C19orf25: variants seen among roughly 807,000 people sequenced by gnomAD.
The protein encoded by C19orf25 is chromosome 19 open reading frame 25.
Under a neutral mutation model 3.1 loss-of-function variants are expected in C19orf25, and 1 was observed. The ratio of observed to expected loss-of-function variants is 0.32; its 90% confidence interval spans 0.12 to 1.54. The LOEUF is 1.54. Ranked by LOEUF, C19orf25 falls within the 40% of genes most tolerant of loss-of-function variation. The pLI is 0.38. For synonymous variants in C19orf25, 91 were observed against 74.3 expected (o/e 1.23, Z -1.16); for missense variants, 196 against 160.4 (o/e 1.22, Z -1.20).
rs376077887 is a variant in C19orf25 at position 1,475,446 on chromosome 19, C to T, written c.131-188G>A. On this transcript the variant is annotated intron_variant, in intron 2 of 2. Transcript: ENST00000585675. Reference sequence around the variant, plus strand: ...CCTGTAATCCAGCACTTTGGGAGGCCGAGGCGGGAGGAACACTTGAGCCCA... The same window carrying T: ...CCTGTAATCCAGCACTTTGGGAGGCTGAGGCGGGAGGAACACTTGAGCCCA... 3.9e-3 allele frequency: 2,379 copies of T among 605,834 alleles called. 8 individuals carry two copies. Among genetic ancestry groups the T allele is most frequent in the Non-Finnish European group, 5.1e-3 (1,778 of 348,558 alleles). The allele number at this position is 605,834 out of a possible 1,614,324, so 37.5% of individuals were successfully genotyped here. A position where few individuals can be genotyped will look rare whatever the true frequency, so the allele number is the denominator to read the frequency against.
intron 2 of C19orf25, chr19:1,475,461 A>G: frequency 1.7e-6 from 1 of 581,294 alleles, no homozygotes; most frequent in Non-Finnish European, 3.1e-6. Flanking sequence ...CGGGAGGAAC[A>G]CTTGAGCCCA....
chr19:1,479,000 G>A (rs1236200458), intron 1 of C19orf25, 95 bp from the exon 2 acceptor site: 3 of 1,425,562 alleles, frequency 2.1e-6, no homozygotes, highest in African/African-American at 1.5e-5. Flanking sequence ...CGCACCCGTC[G>A]CGGTCCCGCT....
rs555978292 is a variant in C19orf25 at position 1,477,295 on chromosome 19, C to A, written c.130+1479G>T. Among the ~76,000 whole-genome samples the A allele has an allele frequency of 2.0e-5, 3 of 152,352 alleles. No individual in the cohort carries two copies. The East Asian group carries it at 5.8e-4, about 29-fold the overall frequency. ...GGGATTACAGGTGTGAGCCACCGCA[C>A]CTGGCCGATTCATCTTCATTTGTTT... is the stretch of plus-strand genomic sequence containing the variant. On this transcript the variant is annotated intron_variant, in intron 2 of 2. Transcript: ENST00000585675.
At position 1,474,261 on chromosome 19, in the gene C19orf25, T is replaced by G. The variant is rs1358302396; in HGVS notation, c.*771A>C. Reference sequence around the variant, plus strand: ...AAGTTGCTATTTAGGATGAAAAGCCTTTGGCAAGACCCTCCGCCGCACTAA... The same window carrying G: ...AAGTTGCTATTTAGGATGAAAAGCCGTTGGCAAGACCCTCCGCCGCACTAA... On this transcript the variant is annotated 3_prime_UTR_variant, in exon 3 of 3. Transcript: ENST00000585675. 1 of 152,204 alleles carries G rather than the reference T, an allele frequency of 6.6e-6. No homozygotes were observed. The highest frequency in any genetic ancestry group is 1.5e-5 in the Non-Finnish European group (1 of 68,096). 9.4% of individuals were successfully genotyped at this position (152,204 alleles called of 1,614,324 possible).
At chr19:1,475,349 G>T in intron 2 of C19orf25, 91 bp from the exon 3 acceptor site, 3 of 1,323,720 alleles carry the variant, frequency 2.3e-6, no homozygotes, top group Non-Finnish European at 3.1e-6. Context: ...AGGGTTCCCT[G>T]CAGTCCCCGA....
rs147084328 is a variant in C19orf25, at chr19:1,476,200, C to T, written c.131-942G>A. ...ACTCAGAGAAGCGTCAGGGGCCCCT[C>T]GGCTCTGGCCTGCCCCTCGGCAGTG... On this transcript the variant is annotated intron_variant, in intron 2 of 2. Coordinates refer to ENST00000585675, the MANE Select transcript of C19orf25 (RefSeq NM_152482.3). The T allele has an allele frequency of 5.8e-3, 2,332 of 398,838 alleles. 9 individuals carry two copies. The highest frequency in any genetic ancestry group is 8.2e-3 in the Non-Finnish European group (1,854 of 226,222). The allele number at this position is 398,838 out of a possible 1,614,324, so 24.7% of individuals were successfully genotyped here. A position where few individuals can be genotyped will look rare whatever the true frequency, so the allele number is the denominator to read the frequency against.
intron 2 of C19orf25, chr19:1,476,140 T>C (rs1365043440): frequency 5.0e-6 from 2 of 398,528 alleles, no homozygotes; most frequent in South Asian, 1.3e-4. Flanking sequence ...GCAAGCCCAG[T>C]GCAGCAGGGC....
chr19:1,475,216 G>A lies in C19orf25; in HGVS notation c.173C>T (p.Pro58Leu), dbSNP rs1447399021. ...PFRMMEDAEA[P>L]GEQLYQQSRA... Reference sequence around the variant, plus strand: ...GCTTTGCTGGTAGAGCTGCTCTCCCGGGGCCTCCGCATCCTCCATCATCCT... The same window carrying A: ...GCTTTGCTGGTAGAGCTGCTCTCCCAGGGCCTCCGCATCCTCCATCATCCT... Residue 58 changes from proline (P) to leucine (L), a missense_variant, in exon 3 of 3, where the codon CCG becomes CTG. Transcript: ENST00000585675. 9.0e-6 allele frequency: 14 copies of A among 1,562,290 alleles called. No homozygotes were observed. Among genetic ancestry groups the A allele is most frequent in the African/African-American group, 1.4e-5 (1 of 73,536 alleles).
chr19:1,479,182 G>C lies in C19orf25; in HGVS notation c.-22C>G, dbSNP rs1364443200. On this transcript the variant is annotated 5_prime_UTR_variant, in exon 1 of 3. Transcript: ENST00000585675. ...TCCCACCTGGGCGCGGGACCCGAAA[G>C]CCCAGCGTCGACGACGCAGCCACTT... 7 of 1,276,724 alleles carry C rather than the reference G, an allele frequency of 5.5e-6. No individual in the cohort carries two copies. The highest frequency in any genetic ancestry group is 6.9e-6 in the Non-Finnish European group (7 of 1,012,686). The allele number at this position is 1,276,724 out of a possible 1,614,324, so 79.1% of individuals were successfully genotyped here. A position where few individuals can be genotyped will look rare whatever the true frequency, so the allele number is the denominator to read the frequency against.
At chr19:1,475,435 C>G in intron 2 of C19orf25, 177 bp from the exon 3 acceptor site, 2 of 638,528 alleles carry the variant, frequency 3.1e-6, no homozygotes, top group Non-Finnish European at 5.3e-6. Flanking sequence ...TAATCCAGCA[C>G]TTTGGGAGGC....
intron 2 of C19orf25, chr19:1,478,454 A>T: frequency 1.7e-6 from 1 of 585,372 alleles, no homozygotes; most frequent in Non-Finnish European, 2.6e-6. Flanking sequence ...TTTCATTTTT[A>T]GCAGAGACGG....
At position 1,479,179 on chromosome 19, in the gene C19orf25, A is replaced by G. The variant is rs1453232187; in HGVS notation, c.-19T>C. 8 of 1,278,402 alleles carry G rather than the reference A, an allele frequency of 6.3e-6. No homozygotes were observed. The highest frequency in any genetic ancestry group is 2.9e-4 in the Middle Eastern group (1 of 3,410). The allele number at this position is 1,278,402 out of a possible 1,614,324, so 79.2% of individuals were successfully genotyped here. ...TCTTCCCACCTGGGCGCGGGACCCGAAAGCCCAGCGTCGACGACGCAGCCA... is the reference window on the plus strand; with the variant it reads ...TCTTCCCACCTGGGCGCGGGACCCGGAAGCCCAGCGTCGACGACGCAGCCA... On this transcript the variant is annotated 5_prime_UTR_variant, in exon 1 of 3. Coordinates refer to ENST00000585675, the MANE Select transcript of C19orf25 (RefSeq NM_152482.3).
At chr19:1,477,709 C>A (rs2084219635) in intron 2 of C19orf25, among the ~76,000 whole-genome samples, 2 of 152,134 alleles carry the variant, frequency 1.3e-5, no homozygotes, top group African/African-American at 2.4e-5. Flanking sequence ...CAGAAATGTT[C>A]TTTTTCACCC....
chr19:1,475,325 T>G, intron 2 of C19orf25, 67 bp from the exon 3 acceptor site: 1 of 1,451,278 alleles, frequency 6.9e-7, no homozygotes, highest in Non-Finnish European at 9.3e-7. Flanking sequence ...CCCTCACTAC[T>G]GCCCCCAAAG....
chr19:1,474,740 G>A lies in C19orf25; in HGVS notation c.*292C>T. On this transcript the variant is annotated 3_prime_UTR_variant, in exon 3 of 3. Coordinates refer to ENST00000585675, the MANE Select transcript of C19orf25 (RefSeq NM_152482.3). ...CCCAGGGGCCCCACTGCAGAGCACGGCCACTGTGAGCTGACGACAGAATCA... is the reference window on the plus strand; with the variant it reads ...CCCAGGGGCCCCACTGCAGAGCACGACCACTGTGAGCTGACGACAGAATCA... 1 of 1,396,504 alleles carries A rather than the reference G, an allele frequency of 7.2e-7. No homozygotes were observed. The highest frequency in any genetic ancestry group is 9.4e-7 in the Non-Finnish European group (1 of 1,066,366). The allele number at this position is 1,396,504 out of a possible 1,614,324, so 86.5% of individuals were successfully genotyped here. A position where few individuals can be genotyped will look rare whatever the true frequency, so the allele number is the denominator to read the frequency against.
rs1452098896 is a variant in C19orf25 at position 1,474,709 on chromosome 19, C to T, written c.*323G>A. ...GCCCCGGGAGAGGAAGGAGGTGGCACCTGCTCCCAGGGGCCCCACTGCAGA... is the reference window on the plus strand; with the variant it reads ...GCCCCGGGAGAGGAAGGAGGTGGCATCTGCTCCCAGGGGCCCCACTGCAGA... On this transcript the variant is annotated 3_prime_UTR_variant, in exon 3 of 3. Transcript: ENST00000585675. 7 of 1,187,284 alleles carry T rather than the reference C, an allele frequency of 5.9e-6. No individual in the cohort carries two copies. In the African/African-American group the frequency reaches 1.1e-4, roughly 18 times the overall value. The allele number at this position is 1,187,284 out of a possible 1,614,324, so 73.5% of individuals were successfully genotyped here.
chr19:1,476,071 G>A (rs1568193196), intron 2 of C19orf25: 5 of 397,446 alleles, frequency 1.3e-5, no homozygotes, highest in South Asian at 1.3e-4. Flanking sequence ...GGGCATTGAC[G>A]TCCTGGTGAC....
At chr19:1,478,064 C>G (rs2084223910) in intron 2 of C19orf25, among the ~76,000 whole-genome samples, 4 of 151,560 alleles carry the variant, frequency 2.6e-5, no homozygotes, top group African/African-American at 9.7e-5. Flanking sequence ...GGTGTCCAAC[C>G]TCTGACCTCA....
intron 2 of C19orf25, 93 bp downstream of exon 2, chr19:1,478,681 G>A (rs555241994): frequency 1.3e-6 from 2 of 1,516,750 alleles, no homozygotes; most frequent in Admixed American, 2.1e-5. Context: ...GGTTCCCAGG[G>A]CGTGGGGTCA....
Sources: allele counts gnomAD v4.1 joint callset (sites outside exome capture counted in the v4.1 genomes callset), GRCh38; gene constraint gnomAD v4.1.1; transcripts MANE v1.5; gene names NCBI Gene and HGNC (gene_info 2026-07-23, HGNC 2026-07-21).